The following ZNF445 variants were observed in gnomAD, a reference collection of about 807,000 sequenced individuals.
The protein encoded by ZNF445 is zinc finger protein 168.
A neutral mutation model predicts 93.9 loss-of-function variants in ZNF445; 19 were observed. The observed-to-expected ratio is 0.20, with a 90% CI of 0.14 to 0.30. The LOEUF is 0.30. Ranked by LOEUF, ZNF445 falls within the 10% of genes least tolerant of loss-of-function variation. The pLI, the probability that ZNF445 is intolerant of heterozygous loss-of-function variation, is 1.00. For missense variants in ZNF445, 1,058 were observed against 1,259.4 expected (o/e 0.84, Z 2.42); for synonymous variants, 449 against 446.3 (o/e 1.01, Z -0.08).
At position 44,455,530 on chromosome 3, in the gene ZNF445, T is replaced by A; in HGVS notation, c.20A>T (p.His7Leu). Residue 7 changes from histidine to leucine, a missense_variant, in exon 3 of 8, where the codon CAT becomes CTT. Physicochemically the swap from His to Leu is moderately conservative, Grantham distance 99. Transcript: ENST00000396077. ...CTGGGCCTGAGCTGGATAGGCAGCA[T>A]GCCACCTGCCTGGAGGCATCACTCC... MPPGRWHAAYPAQAQSS... is the reference protein window; with the variant it reads MPPGRWLAAYPAQAQSS... The A allele has an allele frequency of 6.2e-7, 1 of 1,602,276 alleles. No individual in the cohort carries two copies. The highest frequency in any genetic ancestry group is 8.5e-7 in the Non-Finnish European group (1 of 1,174,160).
intron 7 of ZNF445, among the ~76,000 whole-genome samples, chr3:44,449,288 C>T (rs1697925982): frequency 6.6e-6 from 1 of 151,940 alleles, no homozygotes; most frequent in Admixed American, 6.6e-5. Context: ...ATTGAGAGGG[C>T]TGCTGTGAGA....
chr3:44,446,286 T>C lies in ZNF445; in HGVS notation c.*289A>G, dbSNP rs1413641252. ...GCAGTGGTCTCTCTCTTCAGAGTTG[T>C]GGAAGGAGACCTGAATAGGGGAGCC... On this transcript the variant is annotated 3_prime_UTR_variant, in exon 8 of 8. Transcript: ENST00000396077. The surrounding 1 kb of genome is among the most constrained non-coding windows in gnomAD (Gnocchi z 4.2). The C allele has an allele frequency of 7.2e-6, 3 of 418,516 alleles. No homozygotes were observed. Among genetic ancestry groups the C allele is most frequent in the South Asian group, 2.7e-5 (1 of 36,438 alleles). 25.9% of individuals were successfully genotyped at this position (418,516 alleles called of 1,614,324 possible). A position where few individuals can be genotyped will look rare whatever the true frequency, so the allele number is the denominator to read the frequency against.
At chr3:44,456,902 C>A (rs529913484) in intron 2 of ZNF445, among the ~76,000 whole-genome samples, 15 of 152,134 alleles carry the variant, frequency 9.9e-5, no homozygotes, top group African/African-American at 3.4e-4. Flanking sequence ...CCGAAGTGGG[C>A]GGACTGCTTG....
At position 44,441,135 on chromosome 3, in the gene ZNF445, A is replaced by C. The variant is rs1017294388; in HGVS notation, c.*5440T>G. On this transcript the variant is annotated 3_prime_UTR_variant, in exon 8 of 8. Transcript: ENST00000396077. ...TCACCATGTTGGCCAGGCTGGTCTCAATCTCCTGACCTCATAATCCGCCCG... is the reference window on the plus strand; with the variant it reads ...TCACCATGTTGGCCAGGCTGGTCTCCATCTCCTGACCTCATAATCCGCCCG... 1 of 152,106 alleles carries C rather than the reference A, an allele frequency of 6.6e-6. No individual in the cohort carries two copies. Among genetic ancestry groups the C allele is most frequent in the Non-Finnish European group, 1.5e-5 (1 of 68,022 alleles). The allele number at this position is 152,106 out of a possible 1,614,324, so 9.4% of individuals were successfully genotyped here.
chr3:44,448,305 C>T lies in ZNF445; in HGVS notation c.1366G>A (p.Gly456Arg). ...LHQRIHSGLK[G>R]NKKDVCGKDF... ...TTTCCACACACGTCCTTTTTGTTCC[C>T]TTTCAGTCCACTATGAATTCTCTGA... The change falls in exon 8 of 8, where the codon GGG (glycine) becomes AGG (arginine). Residue 456 changes from glycine (G) to arginine (R), a missense_variant. Physicochemically the swap from Gly to Arg is moderately radical, Grantham distance 125. Around this residue, in one of 3 missense-constraint regions of ZNF445, gnomAD observed 657 missense variants for 746.4 expected, o/e 0.88. Transcript: ENST00000396077. 2 of 1,614,200 alleles carry T rather than the reference C, an allele frequency of 1.2e-6. No homozygotes were observed. Among genetic ancestry groups the T allele is most frequent in the Non-Finnish European group, 1.7e-6 (2 of 1,180,042 alleles).
At chr3:44,449,428 TA>T in intron 7 of ZNF445, 84 bp downstream of exon 7, 2 of 1,127,810 alleles carry the variant, frequency 1.8e-6, no homozygotes, top group Non-Finnish European at 1.3e-6. Context: ...AACAATGGAG[TA>T]AATTCCCAGT....
Position 44,437,842 on chromosome 3 carries a change from C to T in ZNF445, c.*8733G>A, listed in dbSNP as rs1252304287. ...TAGCCGTTGGGTCAACGTTTCTGCACTATAGTCCCTTCTGTGGTCACCAGA... is the reference window on the plus strand; with the variant it reads ...TAGCCGTTGGGTCAACGTTTCTGCATTATAGTCCCTTCTGTGGTCACCAGA... On this transcript the variant is annotated 3_prime_UTR_variant, in exon 8 of 8. Coordinates refer to ENST00000396077, the MANE Select transcript of ZNF445 (RefSeq NM_181489.6). The T allele has an allele frequency of 6.6e-6, 1 of 152,002 alleles. No homozygotes were observed. The highest frequency in any genetic ancestry group is 1.5e-5 in the Non-Finnish European group (1 of 68,000). The allele number at this position is 152,002 out of a possible 1,614,324, so 9.4% of individuals were successfully genotyped here.
intron 1 of ZNF445, among the ~76,000 whole-genome samples, chr3:44,462,564 A>G (rs1698131848): frequency 6.6e-6 from 1 of 151,918 alleles, no homozygotes; most frequent in African/African-American, 2.4e-5. Flanking sequence ...TTTTTTATTT[A>G]TGTAACTTTG....
rs1478904033 is a variant in ZNF445 at position 44,446,414 on chromosome 3, C to G, written c.*161G>C. 7 of 1,020,118 alleles carry G rather than the reference C, an allele frequency of 6.9e-6. No individual in the cohort carries two copies. Among genetic ancestry groups the G allele is most frequent in the Non-Finnish European group, 9.8e-6 (7 of 711,786 alleles). 63.2% of individuals were successfully genotyped at this position (1,020,118 alleles called of 1,614,324 possible). ...CCAGCGTCACATCCTAGCAGGCAGG[C>G]TGGGGACTCCCCGAGCTTTCAAATC... On this transcript the variant is annotated 3_prime_UTR_variant, in exon 8 of 8. Transcript: ENST00000396077. This position sits in a 1 kb window ranked among gnomAD's most constrained non-coding sequence, Gnocchi z 4.2.
Position 44,449,588 on chromosome 3 carries a change from A to G in ZNF445, c.856T>C (p.Leu286=), listed in dbSNP as rs770233316. The G allele has an allele frequency of 3.7e-6, 6 of 1,613,982 alleles. No homozygotes were observed. The highest frequency in any genetic ancestry group is 2.7e-5 in the African/African-American group (2 of 74,932). ...AGGCCCCATGGCTCCCTTGCTTCCA[A>G]CCAGGAGATCAGAGCAGGTTTGGTG... ...PFTKPALISW[L]EAREPWGLNM... The change falls in exon 7 of 8, where the codon TTG becomes CTG. Residue 286 remains leucine (L), a synonymous_variant. Transcript: ENST00000396077.
At chr3:44,467,469 C>A (rs1698211151) in intron 1 of ZNF445, among the ~76,000 whole-genome samples, 1 of 152,118 alleles carries the variant, frequency 6.6e-6, no homozygotes. Context: ...AGTCTCTGTA[C>A]AAGCTTCCTG....
In ZNF445 at chr3:44,450,903, C is replaced by T; in HGVS notation, c.658G>A (p.Val220Ile). 1.3e-6 allele frequency: 2 copies of T among 1,596,656 alleles called. No homozygotes were observed. The highest frequency in any genetic ancestry group is 1.7e-6 in the Non-Finnish European group (2 of 1,172,112). The change falls in exon 5 of 8, where the codon GTA becomes ATA. Residue 220 changes from valine to isoleucine, a missense_variant. By Grantham distance (29) the Val-to-Ile change is conservative. Transcript: ENST00000396077. ...FPREGCPGDQVTPTRSLTAQL... is the reference protein window; with the variant it reads ...FPREGCPGDQITPTRSLTAQL... ...GCTGTCAGGGACCTGGTTGGTGTTA[C>T]CTGGTCTCCCGGGCACCCCTCTCTC...
chr3:44,461,087 G>C (rs1698107738), intron 1 of ZNF445, among the ~76,000 whole-genome samples: 1 of 152,214 alleles, frequency 6.6e-6, no homozygotes, highest in East Asian at 1.9e-4. Flanking sequence ...ACCACAGGGT[G>C]TCTGTCTGTA....
Position 44,448,756 on chromosome 3 carries a change from CA to C in ZNF445, c.932-18del. ...GGTCATCTCCTGACAAAAAATATAA[CA>C]CAAGAGAATGTACTCTTTTCCCATA... On this transcript the variant is annotated intron_variant, in intron 7 of 7. Transcript: ENST00000396077. The C allele has an allele frequency of 1.3e-6, 2 of 1,598,174 alleles. No individual in the cohort carries two copies. Among genetic ancestry groups the C allele is most frequent in the Non-Finnish European group, 1.7e-6 (2 of 1,174,128 alleles).
intron 2 of ZNF445, among the ~76,000 whole-genome samples, chr3:44,456,219 C>T (rs1698026511): frequency 6.6e-6 from 1 of 152,058 alleles, no homozygotes; most frequent in Non-Finnish European, 1.5e-5. Flanking sequence ...AGTTCGAGAC[C>T]AGCCTGGGCA....
intron 1 of ZNF445, among the ~76,000 whole-genome samples, chr3:44,477,354 GCCCGGAGAAA>G (rs1258695374): frequency 6.6e-6 from 1 of 152,194 alleles, no homozygotes; most frequent in Non-Finnish European, 1.5e-5. Flanking sequence ...AAACGAGAAA[GCCCGGAGAAA>G]CCCGGGCTCC....
At position 44,439,952 on chromosome 3, in the gene ZNF445, A is replaced by G. The variant is rs183242507; in HGVS notation, c.*6623T>C. ...ACAGTTTGAACTTCCCCTCTGACGC[A>G]AAGAGGAAGTGGCTGGGCTTTCTTA... On this transcript the variant is annotated 3_prime_UTR_variant, in exon 8 of 8. Coordinates refer to ENST00000396077, the MANE Select transcript of ZNF445 (RefSeq NM_181489.6). 1 of 152,300 alleles carries G rather than the reference A, an allele frequency of 6.6e-6. No homozygotes were observed. Among genetic ancestry groups the G allele is most frequent in the African/African-American group, 2.4e-5 (1 of 41,546 alleles). The allele number at this position is 152,300 out of a possible 1,614,324, so 9.4% of individuals were successfully genotyped here.
At position 44,448,311 on chromosome 3, in the gene ZNF445, G is replaced by C; in HGVS notation, c.1360C>G (p.Leu454Val). The change falls in exon 8 of 8, where the codon CTG becomes GTG. Residue 454 changes from leucine to valine, a missense_variant. By Grantham distance (32) the Leu-to-Val change is conservative. Coordinates refer to ENST00000396077, the MANE Select transcript of ZNF445 (RefSeq NM_181489.6). ...CACACGTCCTTTTTGTTCCCTTTCA[G>C]TCCACTATGAATTCTCTGATGTAGG... ...FSLHQRIHSGLKGNKKDVCGK... is the reference protein window; with the variant it reads ...FSLHQRIHSGVKGNKKDVCGK... 1 of 1,614,090 alleles carries C rather than the reference G, an allele frequency of 6.2e-7. No individual in the cohort carries two copies. Among genetic ancestry groups the C allele is most frequent in the Non-Finnish European group, 8.5e-7 (1 of 1,180,028 alleles).
chr3:44,433,563 G>C lies in ZNF445; in HGVS notation c.*13012C>G, dbSNP rs7430159. ...CAGAACCCACGTCAGGCCATTACTG[G>C]GGGGTCTGATGGGGTTATGAGAGAA... is the stretch of plus-strand genomic sequence containing the variant. On this transcript the variant is annotated 3_prime_UTR_variant, in exon 8 of 8. Coordinates refer to ENST00000396077, the MANE Select transcript of ZNF445 (RefSeq NM_181489.6). 6.6e-6 allele frequency: 1 copy of C among 152,240 alleles called. No homozygotes were observed. Among genetic ancestry groups the C allele is most frequent in the Non-Finnish European group, 1.5e-5 (1 of 68,090 alleles). The allele number at this position is 152,240 out of a possible 1,614,324, so 9.4% of individuals were successfully genotyped here. A position where few individuals can be genotyped will look rare whatever the true frequency, so the allele number is the denominator to read the frequency against.
Sources: gnomAD v4.1 joint callset for allele counts (sites outside exome capture counted in the v4.1 genomes callset) on GRCh38, gnomAD v4.1.1 for gene constraint, gnomAD v4.1.1 regional missense constraint, Gnocchi (gnomAD v3.1) non-coding constraint, MANE v1.5 for transcripts, NCBI Gene and HGNC (gene_info 2026-07-23, HGNC 2026-07-21) for gene names.